CFAP299: variants seen among roughly 807,000 people sequenced by gnomAD.
CFAP299 encodes cilia- and flagella-associated protein 299.
Under a neutral mutation model 27.0 loss-of-function variants are expected in CFAP299, and 21 were observed. The observed-to-expected ratio is 0.78, with a 90% CI of 0.55 to 1.12. The LOEUF (loss-of-function observed/expected upper bound fraction) is 1.12. CFAP299 is among the 50% of genes most tolerant of loss of function. The probability of loss-of-function intolerance (pLI) is 0.00; values close to 1 mark genes in which losing one functional copy is unlikely to be tolerated. For synonymous variants in CFAP299, 104 were observed against 98.1 expected (o/e 1.06, Z -0.36); for missense variants, 310 against 276.6 (o/e 1.12, Z -0.86).
At chr4:80,913,041 G>A (rs1735557765) in intron 4 of CFAP299, among the ~76,000 whole-genome samples, 1 of 152,120 alleles carries the variant, frequency 6.6e-6, no homozygotes, top group South Asian at 2.1e-4. Flanking sequence ...ACCACTGTAA[G>A]AATAATGAGA....
rs139379485 is a variant in CFAP299 at position 80,600,475 on chromosome 4, A to G, written c.333+17292A>G. Among the ~76,000 whole-genome samples, 517 of 152,212 alleles carry G rather than the reference A, an allele frequency of 3.4e-3. 7 individuals are homozygous for G. The East Asian group carries it at 0.04, about 12-fold the overall frequency. ...GGTCTGTTTTCTCTTTTGACAGTGTACGTTTATTTTCCAAATACAAATATA... is the reference window on the plus strand; with the variant it reads ...GGTCTGTTTTCTCTTTTGACAGTGTGCGTTTATTTTCCAAATACAAATATA... On this transcript the variant is annotated intron_variant, in intron 3 of 5. Coordinates refer to ENST00000358105, the MANE Select transcript of CFAP299 (RefSeq NM_152770.3).
At chr4:80,683,917 T>C (rs984126248) in intron 3 of CFAP299, among the ~76,000 whole-genome samples, 3 of 152,200 alleles carry the variant, frequency 2.0e-5, no homozygotes, top group African/African-American at 4.8e-5. Context: ...TTATGAACCT[T>C]TGTTGAGTTT....
At chr4:80,591,357 T>G (rs1446616320) in intron 3 of CFAP299, among the ~76,000 whole-genome samples, 1 of 151,984 alleles carries the variant, frequency 6.6e-6, no homozygotes, top group Non-Finnish European at 1.5e-5. Flanking sequence ...TCTCCTGACC[T>G]CGTGATCCGC....
At chr4:80,741,055 C>A (rs904885307) in intron 3 of CFAP299, among the ~76,000 whole-genome samples, 5 of 152,134 alleles carry the variant, frequency 3.3e-5, no homozygotes, top group African/African-American at 1.2e-4. Flanking sequence ...TGGGTGATAT[C>A]CAAGGTGCAA....
At chr4:80,599,223 C>T (rs1481030455) in intron 3 of CFAP299, among the ~76,000 whole-genome samples, 1 of 152,180 alleles carries the variant, frequency 6.6e-6, no homozygotes, top group Non-Finnish European at 1.5e-5. Context: ...TATCTAATCT[C>T]TACGTCTGTC....
rs114986698 is a variant in CFAP299, at chr4:80,561,643, G to A, written c.243-21450G>A. On this transcript the variant is annotated intron_variant, in intron 2 of 5. Transcript: ENST00000358105. Reference sequence around the variant, plus strand: ...AAAAGAATCAAGCAGAAATTCTGGAGGTGAAAAATGTGACTGTCATACTGA... The same window carrying A: ...AAAAGAATCAAGCAGAAATTCTGGAAGTGAAAAATGTGACTGTCATACTGA... Among the ~76,000 whole-genome samples the A allele has an allele frequency of 6.8e-3, 1,041 of 152,040 alleles. 13 individuals are homozygous for A. Among genetic ancestry groups the A allele is most frequent in the African/African-American group, 0.024 (1,000 of 41,488 alleles).
At chr4:80,736,663 G>A (rs1189350645) in intron 3 of CFAP299, among the ~76,000 whole-genome samples, 1 of 152,098 alleles carries the variant, frequency 6.6e-6, no homozygotes, top group African/African-American at 2.4e-5. Context: ...TCAGGAAACA[G>A]CAGGTGCTGG....
intron 4 of CFAP299, among the ~76,000 whole-genome samples, chr4:80,931,027 G>A (rs373460406): frequency 7.2e-5 from 11 of 152,182 alleles, no homozygotes; most frequent in African/African-American, 1.9e-4. Context: ...CTATTAAGCA[G>A]TGGAATCATA....
At chr4:80,891,830 G>GAAAA (rs35425830) in intron 4 of CFAP299, among the ~76,000 whole-genome samples, 5 of 53,998 alleles carry the variant, frequency 9.3e-5, no homozygotes, top group African/African-American at 1.9e-4. Flanking sequence ...TAGATTAAAG[G>GAAAA]AAAAAAAAAA....
At chr4:80,590,494 C>T (rs933027041) in intron 3 of CFAP299, among the ~76,000 whole-genome samples, 3 of 151,794 alleles carry the variant, frequency 2.0e-5, no homozygotes, top group East Asian at 3.9e-4. Flanking sequence ...AAAAAATAGC[C>T]GGGTGTGGTG....
At chr4:80,958,182 A>G (rs1738162976) in intron 5 of CFAP299, among the ~76,000 whole-genome samples, 1 of 152,206 alleles carries the variant, frequency 6.6e-6, no homozygotes. Context: ...TAACTTATAC[A>G]TAGTATACAA....
intron 3 of CFAP299, among the ~76,000 whole-genome samples, chr4:80,732,567 A>G (rs915796322): frequency 7.2e-5 from 11 of 152,192 alleles, no homozygotes; most frequent in African/African-American, 2.4e-4. Context: ...CTGAAAAGCA[A>G]TTGTCTCTAA....
the CFAP299 span, among the ~76,000 whole-genome samples, chr4:80,324,776 T>C: frequency 6.6e-6 from 1 of 152,126 alleles, no homozygotes; most frequent in Non-Finnish European, 1.5e-5. Context: ...TACATGATAG[T>C]AGATGTTCTG....
chr4:80,603,993 A>G (rs1418325705), intron 3 of CFAP299, among the ~76,000 whole-genome samples: 1 of 152,182 alleles, frequency 6.6e-6, no homozygotes, highest in South Asian at 2.1e-4. Flanking sequence ...CAAAGTGTTC[A>G]CTTAAAAAAT....
At chr4:80,344,070 C>T (rs1722603581) in intron 1 of CFAP299, among the ~76,000 whole-genome samples, 1 of 152,044 alleles carries the variant, frequency 6.6e-6, no homozygotes, top group Non-Finnish European at 1.5e-5. Flanking sequence ...AACAACCTGA[C>T]AACACAACTA....
intron 2 of CFAP299, among the ~76,000 whole-genome samples, chr4:80,535,712 C>T (rs997377046): frequency 6.6e-6 from 1 of 152,102 alleles, no homozygotes; most frequent in Non-Finnish European, 1.5e-5. Context: ...CACCCATTTG[C>T]TTTGTGCTTT....
At chr4:80,543,173 C>T (rs1199836556) in intron 2 of CFAP299, among the ~76,000 whole-genome samples, 1 of 152,122 alleles carries the variant, frequency 6.6e-6, no homozygotes, top group Admixed American at 6.5e-5. Context: ...GTCAAATGCT[C>T]AAGGCAATAA....
At chr4:80,450,700 T>G (rs1188212684) in intron 2 of CFAP299, among the ~76,000 whole-genome samples, 1 of 151,990 alleles carries the variant, frequency 6.6e-6, no homozygotes, top group Non-Finnish European at 1.5e-5. Flanking sequence ...TATGTCAAAG[T>G]TTGTCCATAG....
At chr4:80,399,587 A>G (rs1397882814) in intron 2 of CFAP299, among the ~76,000 whole-genome samples, 4 of 151,834 alleles carry the variant, frequency 2.6e-5, no homozygotes, top group Admixed American at 2.6e-4. Context: ...AAACTATTGC[A>G]AGGACAAAAA....
Sources: allele counts gnomAD v4.1 joint callset (sites outside exome capture counted in the v4.1 genomes callset), GRCh38; gene constraint gnomAD v4.1.1; transcripts MANE v1.5; gene names NCBI Gene and HGNC (gene_info 2026-07-23, HGNC 2026-07-21).